The following FBXO10 variants were observed in gnomAD, a reference collection of about 807,000 sequenced individuals.
FBXO10 encodes the protein F-box only protein 10.
In FBXO10, 39 loss-of-function variants were observed where a neutral mutation model predicts 80.7. That is an observed-to-expected ratio of 0.48 (90% CI 0.37 to 0.63). FBXO10 has a LOEUF of 0.63. Among genes scored for constraint, FBXO10 ranks in the 30% least tolerant of loss-of-function variants. The pLI is 0.00. For synonymous variants in FBXO10, 449 were observed against 489.6 expected, an observed-to-expected ratio of 0.92 and a Z score of 1.09; for missense variants, 1,025 against 1,269.0, an observed-to-expected ratio of 0.81 and a Z score of 2.92.
intron 3 of FBXO10, 131 bp downstream of exon 3, chr9:37,536,979 G>T: frequency 3.0e-6 from 2 of 659,304 alleles, no homozygotes; most frequent in Non-Finnish European, 5.0e-6. Flanking sequence ...CAAATCAGAT[G>T]ATGGGCATGA....
chr9:37,537,011 T>C (rs1821784076), intron 3 of FBXO10, 99 bp downstream of exon 3: 2 of 934,050 alleles, frequency 2.1e-6, no homozygotes, highest in Non-Finnish European at 3.2e-6. Context: ...CGTGAATAAG[T>C]TTAAAGAAAA....
chr9:37,561,901 T>C (rs1312783618), intron 1 of FBXO10, among the ~76,000 whole-genome samples: 11 of 152,184 alleles, frequency 7.2e-5, no homozygotes, highest in Admixed American at 7.2e-4. Context: ...GAATGACATT[T>C]AAAGCCATGG....
intron 1 of FBXO10, among the ~76,000 whole-genome samples, chr9:37,548,751 C>CT (rs376591967): frequency 6.7e-5 from 10 of 149,406 alleles, no homozygotes; most frequent in Non-Finnish European, 9.0e-5. Context: ...ATGACAGATC[C>CT]TTTTTTTTTT....
intron 3 of FBXO10, among the ~76,000 whole-genome samples, chr9:37,533,556 T>C (rs957931356): frequency 2.8e-5 from 4 of 144,714 alleles, no homozygotes; most frequent in African/African-American, 1.0e-4. Flanking sequence ...AAAAATAAAA[T>C]AAAATTGAAT....
intron 1 of FBXO10, among the ~76,000 whole-genome samples, chr9:37,567,117 C>T (rs16934289): frequency 0.17 from 25,099 of 150,340 alleles, 2,200 homozygotes; most frequent in Middle Eastern, 0.25. Context: ...ATGCCAGGTG[C>T]TTTTTACATG....
Position 37,512,426 on chromosome 9 carries a change from G to T in FBXO10, c.*121C>A. ...AAGTGTTCTGGAGGTACCGTGTTTT[G>T]GAGGCCCGGGACCCATTTGTTCGAG... On this transcript the variant is annotated 3_prime_UTR_variant, in exon 11 of 11. Coordinates refer to ENST00000432825, the MANE Select transcript of FBXO10 (RefSeq NM_012166.3). 9.5e-7 allele frequency: 1 copy of T among 1,054,264 alleles called. No homozygotes were observed. Among genetic ancestry groups the T allele is most frequent in the Non-Finnish European group, 1.4e-6 (1 of 728,756 alleles). 65.3% of individuals were successfully genotyped at this position (1,054,264 alleles called of 1,614,324 possible).
At position 37,532,294 on chromosome 9, in the gene FBXO10, CTTTTTT is replaced by C. The variant is rs869146793; in HGVS notation, c.1420-242_1420-237del. Among the ~76,000 whole-genome samples the C allele has an allele frequency of 2.9e-5, 3 of 102,402 alleles. No individual in the cohort carries two copies. The South Asian group carries it at 9.9e-4, about 34-fold the overall frequency. The allele number at this position is 102,402 out of a possible 152,430, so 67.2% of individuals were successfully genotyped here. On this transcript the variant is annotated intron_variant, in intron 3 of 10. Coordinates refer to ENST00000432825, the MANE Select transcript of FBXO10 (RefSeq NM_012166.3). ...GCTCCTTAGCGGTCTCACATTGGTT[CTTTTTT>C]TTTTTTTTTTTTTTTTTTGAGACAG... is the stretch of plus-strand genomic sequence containing the variant.
At chr9:37,554,765 T>A (rs1041961498) in intron 1 of FBXO10, among the ~76,000 whole-genome samples, 5 of 152,370 alleles carry the variant, frequency 3.3e-5, no homozygotes, top group Non-Finnish European at 7.3e-5. Context: ...TGCATGTAGT[T>A]TACTTTTTAA....
rs910526535 is a variant in FBXO10, at chr9:37,531,770, G to C, written c.1569+139C>G. ...CACAGACAGAGACACAGAGTCACAAGGACACGCAGAGGACAGAGCAGGAGC... is the reference window on the plus strand; with the variant it reads ...CACAGACAGAGACACAGAGTCACAACGACACGCAGAGGACAGAGCAGGAGC... On this transcript the variant is annotated intron_variant, in intron 4 of 10. Coordinates refer to ENST00000432825, the MANE Select transcript of FBXO10 (RefSeq NM_012166.3). The C allele has an allele frequency of 6.4e-6, 5 of 779,914 alleles. No individual in the cohort carries two copies. The African/African-American group carries it at 8.8e-5, about 14-fold the overall frequency. The allele number at this position is 779,914 out of a possible 1,614,324, so 48.3% of individuals were successfully genotyped here. A position where few individuals can be genotyped will look rare whatever the true frequency, so the allele number is the denominator to read the frequency against.
chr9:37,566,036 A>T lies in FBXO10; in HGVS notation c.-7+10175T>A, dbSNP rs538211442. ...ATGGAACACCCTTAGCCAAAGGTAA[A>T]CAGTTTCTAGTTAATTTGGGGGACC... On this transcript the variant is annotated intron_variant, in intron 1 of 10. Transcript: ENST00000432825. Among the ~76,000 whole-genome samples, 5 of 152,260 alleles carry T rather than the reference A, an allele frequency of 3.3e-5. No individual in the cohort carries two copies. The South Asian group carries it at 1.0e-3, about 32-fold the overall frequency.
intron 2 of FBXO10, 54 bp downstream of exon 2, chr9:37,541,130 G>A: frequency 6.8e-7 from 1 of 1,467,534 alleles, no homozygotes; most frequent in Non-Finnish European, 9.2e-7. Flanking sequence ...CAGAAAAGAG[G>A]GCAAGCCTCT....
intron 1 of FBXO10, among the ~76,000 whole-genome samples, chr9:37,543,412 T>C (rs1205568655): frequency 6.6e-6 from 1 of 152,144 alleles, no homozygotes; most frequent in Admixed American, 6.5e-5. Flanking sequence ...GCCTTATTCC[T>C]GAATGGTGGG....
At chr9:37,565,772 T>C (rs921103106) in intron 1 of FBXO10, among the ~76,000 whole-genome samples, 8 of 152,218 alleles carry the variant, frequency 5.3e-5, no homozygotes, top group African/African-American at 1.9e-4. Context: ...ACTCTTGTTT[T>C]TAACCACTAA....
rs1821038605 is a variant in FBXO10 at position 37,511,059 on chromosome 9, A to AC, written c.*1487_*1488insG. On this transcript the variant is annotated 3_prime_UTR_variant, in exon 11 of 11. Coordinates refer to ENST00000432825, the MANE Select transcript of FBXO10 (RefSeq NM_012166.3). ...GACAGTGCCAGGGATAGAAGAGGCC[A>AC]GTACTCTTGTGCCCAGTGTTCTCAG... is the stretch of plus-strand genomic sequence containing the variant. 1 of 152,678 alleles carries AC rather than the reference A, an allele frequency of 6.5e-6. No individual in the cohort carries two copies. Among genetic ancestry groups the AC allele is most frequent in the Non-Finnish European group, 1.5e-5 (1 of 68,052 alleles). 9.5% of individuals were successfully genotyped at this position (152,678 alleles called of 1,614,324 possible).
intron 4 of FBXO10, among the ~76,000 whole-genome samples, chr9:37,530,380 A>G (rs1469678221): frequency 1.3e-5 from 2 of 152,214 alleles, no homozygotes; most frequent in Non-Finnish European, 2.9e-5. Context: ...GAGCTCCAAA[A>G]GGAGTATGCA....
intron 1 of FBXO10, among the ~76,000 whole-genome samples, chr9:37,570,712 C>T (rs1322393448): frequency 6.6e-6 from 1 of 151,982 alleles, no homozygotes; most frequent in South Asian, 2.1e-4. Context: ...ATATTATAAA[C>T]GGCCAGGTGC....
At chr9:37,558,086 T>C (rs1255335800) in intron 1 of FBXO10, among the ~76,000 whole-genome samples, 4 of 152,238 alleles carry the variant, frequency 2.6e-5, no homozygotes, top group African/African-American at 9.6e-5. Flanking sequence ...TATAACCATA[T>C]ACTCTTCTTT....
In FBXO10 at chr9:37,522,915, G is replaced by A. The variant is rs773369800; in HGVS notation, c.1840C>T (p.Leu614Phe). The A allele has an allele frequency of 5.7e-6, 9 of 1,582,742 alleles. No individual in the cohort carries two copies. The highest frequency in any genetic ancestry group is 3.6e-5 in the Admixed American group (2 of 55,616). Residue 614 changes from leucine (L) to phenylalanine (F), a missense_variant, in exon 7 of 11, where the codon CTC (leucine) becomes TTC (phenylalanine). This residue lies in a region of FBXO10 where 478 missense variants were observed against 667.8 expected (regional missense o/e 0.72). Transcript: ENST00000432825. The stretch of plus-strand genomic sequence containing the variant: ...CCAAAGCAGATGAGGTTACTCCTGA[G>A]AACGGGGATCCCTCCACGGCGGATG... ...VDIRRGGIPV[L>F]RSNLICFGYS...
At chr9:37,522,111 A>G (rs771420471) in intron 7 of FBXO10, among the ~76,000 whole-genome samples, 14 of 152,240 alleles carry the variant, frequency 9.2e-5, no homozygotes, top group Non-Finnish European at 1.6e-4. Flanking sequence ...TCAGAAGCAC[A>G]TGAGCCCACA....
Sources: gnomAD v4.1 joint callset for allele counts (sites outside exome capture counted in the v4.1 genomes callset) on GRCh38, gnomAD v4.1.1 for gene constraint, gnomAD v4.1.1 regional missense constraint, MANE v1.5 for transcripts, NCBI Gene and HGNC (gene_info 2026-07-23, HGNC 2026-07-21) for gene names.